Variants in MEF2C observed in about 807,000 individuals in gnomAD.
The protein encoded by MEF2C is myocyte-specific enhancer factor 2C.
Under a neutral mutation model 50.5 loss-of-function variants are expected in MEF2C, and 6 were observed. The ratio of observed to expected loss-of-function variants is 0.12; its 90% CI spans 0.07 to 0.23. The LOEUF is 0.23. MEF2C is among the 10% of genes least tolerant of loss of function. MEF2C has a pLI of 1.00. For missense variants in MEF2C, 276 were observed against 605.0 expected (o/e 0.46, Z 5.70); for synonymous variants, 183 against 228.0 (o/e 0.80, Z 1.78).
rs1764995985 is a variant in MEF2C, at chr5:88,738,345, A to AG, written c.638-6445_638-6444insC. 3 of 985,256 alleles carry AG rather than the reference A, an allele frequency of 3.0e-6. No individual in the cohort carries two copies. In the African/African-American group the frequency reaches 5.2e-5, roughly 17 times the overall value. 61.0% of individuals were successfully genotyped at this position (985,256 alleles called of 1,614,324 possible). On this transcript the variant is annotated intron_variant, in intron 6 of 10. Transcript: ENST00000504921. ...AACACAACATTAAGCATACACATTA[A>AG]CTGCTCAGAAGAGTACCAGGCACTT...
In MEF2C at chr5:88,742,441, A is replaced by G. The variant is rs780942194; in HGVS notation, c.637+6629T>C. The G allele has an allele frequency of 2.2e-5, 22 of 981,154 alleles. No individual in the cohort carries two copies. In the Admixed American group the frequency reaches 1.4e-3, roughly 60 times the overall value. The allele number at this position is 981,154 out of a possible 1,614,324, so 60.8% of individuals were successfully genotyped here. Reference sequence around the variant, plus strand: ...CAACCAAGGTTTTCTTATCCTTCACACTATTAGGTTAAATCAATGGGATAT... The same window carrying G: ...CAACCAAGGTTTTCTTATCCTTCACGCTATTAGGTTAAATCAATGGGATAT... On this transcript the variant is annotated intron_variant, in intron 6 of 10. Transcript: ENST00000504921.
chr5:88,759,820 A>C (rs187629082), intron 4 of MEF2C, among the ~76,000 whole-genome samples: 1 of 152,380 alleles, frequency 6.6e-6, no homozygotes, highest in African/African-American at 2.4e-5. Flanking sequence ...AGAAATTTTA[A>C]TATGCACACA....
At chr5:88,896,576 TAAAC>T (rs2150292259) in intron 1 of MEF2C, among the ~76,000 whole-genome samples, 1 of 152,276 alleles carries the variant, frequency 6.6e-6, no homozygotes, top group Admixed American at 6.5e-5. Context: ...ACAGGGTACA[TAAAC>T]AAATATTTCC....
intron 1 of MEF2C, among the ~76,000 whole-genome samples, chr5:88,869,905 A>G (rs1002844637): frequency 6.6e-6 from 1 of 151,252 alleles, no homozygotes; most frequent in African/African-American, 2.4e-5. Context: ...TTGGTAGTTT[A>G]ACTACTTTGG....
intron 1 of MEF2C, among the ~76,000 whole-genome samples, chr5:88,893,730 A>G (rs963960196): frequency 2.0e-5 from 3 of 151,770 alleles, no homozygotes; most frequent in Non-Finnish European, 4.4e-5. Flanking sequence ...GCACATAATT[A>G]TATCAATATT....
At chr5:88,769,927 T>C (rs1449763214) in intron 3 of MEF2C, 1 of 979,492 alleles carries the variant, frequency 1.0e-6, no homozygotes, top group East Asian at 1.1e-4. Flanking sequence ...ATTATGGGCA[T>C]GGGCCACTGT....
At chr5:88,726,844 TA>T in intron 10 of MEF2C, among the ~76,000 whole-genome samples, 1 of 152,138 alleles carries the variant, frequency 6.6e-6, no homozygotes. Context: ...AATATGTAAA[TA>T]AATATGTGTT....
rs569517753 is a variant in MEF2C, at chr5:88,897,837, C to T, written c.-240+6079G>A. Among the ~76,000 whole-genome samples, 6 of 152,250 alleles carry T rather than the reference C, an allele frequency of 3.9e-5. No homozygotes were observed. In the East Asian group the frequency reaches 7.7e-4, roughly 20 times the overall value. ...ACTGTAGAGCAGGAGAACTGATCCTCTTCACAAAAGAGGGCTCCTTGTGAG... is the reference window on the plus strand; with the variant it reads ...ACTGTAGAGCAGGAGAACTGATCCTTTTCACAAAAGAGGGCTCCTTGTGAG... On this transcript the variant is annotated intron_variant, in intron 1 of 11. Coordinates refer to the MEF2C transcript ENST00000340208.
intron 4 of MEF2C, chr5:88,752,587 C>T: frequency 1.0e-6 from 1 of 981,002 alleles, no homozygotes; most frequent in Non-Finnish European, 1.2e-6. Context: ...GGCATTTTAA[C>T]ATACAAGATT....
intron 2 of MEF2C, among the ~76,000 whole-genome samples, chr5:88,805,579 C>T (rs954830010): frequency 1.3e-5 from 2 of 152,118 alleles, no homozygotes; most frequent in East Asian, 3.9e-4. Context: ...TTCCTGTCCT[C>T]GATGATCTCC....
At chr5:88,742,082 G>A in intron 6 of MEF2C, 1 of 985,376 alleles carries the variant, frequency 1.0e-6, no homozygotes, top group Non-Finnish European at 1.2e-6. Flanking sequence ...TCTAAAAACA[G>A]CAGATTATAC....
chr5:88,740,289 T>G (rs1766035065), intron 6 of MEF2C: 1 of 971,080 alleles, frequency 1.0e-6, no homozygotes, highest in Non-Finnish European at 1.2e-6. Flanking sequence ...AGTCTGTCAA[T>G]GAGACAATGA....
chr5:88,804,875 T>C (rs1038481480), intron 2 of MEF2C, 74 bp from the exon 3 acceptor site: 88 of 1,255,732 alleles, frequency 7.0e-5, no homozygotes, highest in Middle Eastern at 3.8e-4. Context: ...TTCTTTTTTC[T>C]TTTCCTTCAC....
At chr5:88,737,019 A>G in intron 6 of MEF2C, 1 of 985,312 alleles carries the variant, frequency 1.0e-6, no homozygotes, top group Non-Finnish European at 1.2e-6. Context: ...CAGCGATAAT[A>G]CACAGAGTAC....
At chr5:88,746,633 G>C (rs1769807738) in intron 6 of MEF2C, 6 of 985,384 alleles carry the variant, frequency 6.1e-6, no homozygotes, top group Non-Finnish European at 7.2e-6. Context: ...TTTCTTCTCT[G>C]AAAATGTAGC....
chr5:88,861,178 G>A, intron 1 of MEF2C, among the ~76,000 whole-genome samples: 1 of 152,228 alleles, frequency 6.6e-6, no homozygotes, highest in Admixed American at 6.5e-5. Flanking sequence ...AGTGTTCAAA[G>A]ATGTTTCAAA....
intron 6 of MEF2C, chr5:88,739,128 A>AT (rs1765354872): frequency 2.0e-6 from 2 of 985,192 alleles, no homozygotes; most frequent in Admixed American, 1.2e-4. Flanking sequence ...AATGTCCAGT[A>AT]TTTTTTAGTA....
chr5:88,833,395 A>C (rs1482154921), intron 1 of MEF2C, among the ~76,000 whole-genome samples: 2 of 152,152 alleles, frequency 1.3e-5, no homozygotes, highest in Non-Finnish European at 2.9e-5. Flanking sequence ...GCTTCTGCTA[A>C]AAAGGGCAAA....
In MEF2C at chr5:88,872,978, G is replaced by A. The variant is rs147639485; in HGVS notation, c.-143+9977C>T. On this transcript the variant is annotated intron_variant, in intron 1 of 10. Coordinates refer to ENST00000504921, the MANE Select transcript of MEF2C (RefSeq NM_002397.5). ...GCTTGTTTAAACGATCTTCTCTCTC[G>A]AGAGTGTATCTTCATCCTTTCATGC... is the stretch of plus-strand genomic sequence containing the variant. 4.1e-4 allele frequency among the ~76,000 whole-genome samples: 63 copies of A among 151,934 alleles called. 1 individual carries two copies. In the East Asian group the frequency reaches 6.2e-3, roughly 15 times the overall value.
Sources: gnomAD v4.1 joint callset for allele counts (sites outside exome capture counted in the v4.1 genomes callset) on GRCh38, gnomAD v4.1.1 for gene constraint, MANE v1.5 for transcripts, NCBI Gene and HGNC (gene_info 2026-07-23, HGNC 2026-07-21) for gene names.